The following ARHGEF4 variants were observed in gnomAD, a reference collection of about 807,000 sequenced individuals.
The protein encoded by ARHGEF4 is APC-stimulated guanine nucleotide exchange factor 1.
A neutral mutation model predicts 162.0 loss-of-function variants in ARHGEF4; 119 were observed. The ratio of observed to expected loss-of-function variants is 0.73; its 90% CI spans 0.63 to 0.86. The LOEUF (loss-of-function observed/expected upper bound fraction) is 0.86. ARHGEF4 is among the 40% of genes least tolerant of loss of function. The pLI is 0.00. For missense variants in ARHGEF4, 2,488 were observed against 2,456.0 expected, an observed-to-expected ratio of 1.01 and a Z score of -0.28; for synonymous variants, 1,014 against 979.9, an observed-to-expected ratio of 1.03 and a Z score of -0.65.
At chr2:130,891,671 G>C (rs556789817) in intron 1 of ARHGEF4, among the ~76,000 whole-genome samples, 2 of 152,280 alleles carry the variant, frequency 1.3e-5, no homozygotes, top group Admixed American at 6.5e-5. Context: ...ATCCTCACAT[G>C]ATGTTGCTTC....
intron 1 of ARHGEF4, among the ~76,000 whole-genome samples, chr2:130,905,669 T>C (rs547645066): frequency 6.6e-6 from 1 of 152,266 alleles, no homozygotes; most frequent in South Asian, 2.1e-4. Flanking sequence ...CAGATGAGTA[T>C]AATACAGTTC....
Position 130,916,110 on chromosome 2 carries a change from G to A in ARHGEF4, c.2164G>A (p.Ala722Thr). 1 of 1,550,036 alleles carries A rather than the reference G, an allele frequency of 6.5e-7. No homozygotes were observed. Residue 722 changes from alanine (A) to threonine (T), a missense_variant, in exon 2 of 14, where the codon GCT becomes ACT. Physicochemically the swap from Ala to Thr is moderately conservative, Grantham distance 58. This residue lies in a region of ARHGEF4 where 1,642 missense variants were observed against 1,481.5 expected (regional missense o/e 1.11). Coordinates refer to ENST00000409359, the MANE Select transcript of ARHGEF4 (RefSeq NM_001367493.1). ...ELGRVLVPQA[A>T]SEETPSTEEP... ...TGGGAGAGTGCTGGTCCCCCAAGCT[G>A]CTTCGGAAGAGACGCCGAGCACAGA...
intron 2 of ARHGEF4, among the ~76,000 whole-genome samples, chr2:130,919,691 C>T (rs894380612): frequency 6.6e-6 from 1 of 152,070 alleles, no homozygotes; most frequent in Admixed American, 6.6e-5. Flanking sequence ...GCCTGGCCAA[C>T]ATGGTGAAAC....
chr2:130,904,094 A>G (rs1680673054), intron 1 of ARHGEF4, among the ~76,000 whole-genome samples: 2 of 152,170 alleles, frequency 1.3e-5, no homozygotes, highest in South Asian at 4.1e-4. Context: ...GAAATCTCCA[A>G]ACTGCTCTCC....
At chr2:131,002,139 G>A (rs1273227990) in intron 4 of ARHGEF4, among the ~76,000 whole-genome samples, 1 of 152,164 alleles carries the variant, frequency 6.6e-6, no homozygotes, top group African/African-American at 2.4e-5. Context: ...GAGTACAGTG[G>A]TAAACAAGGT....
chr2:130,922,497 G>C (rs1681935515), intron 2 of ARHGEF4, among the ~76,000 whole-genome samples: 1 of 152,190 alleles, frequency 6.6e-6, no homozygotes, highest in Admixed American at 6.5e-5. Flanking sequence ...AGAAAAAAAG[G>C]AGGAATCAGG....
chr2:131,034,949 G>A (rs1436545952), intron 5 of ARHGEF4: 9 of 982,196 alleles, frequency 9.2e-6, no homozygotes, highest in Non-Finnish European at 9.7e-6. Flanking sequence ...CCTGGGAGGC[G>A]CCGCGCGCAC....
At chr2:130,886,624 T>C (rs1234799811) in intron 1 of ARHGEF4, among the ~76,000 whole-genome samples, 1 of 149,670 alleles carries the variant, frequency 6.7e-6, no homozygotes, top group Non-Finnish European at 1.5e-5. Flanking sequence ...GAGCTTGCAG[T>C]GAGCCGAGAT....
intron 4 of ARHGEF4, among the ~76,000 whole-genome samples, chr2:130,990,841 A>T (rs1289193409): frequency 1.3e-5 from 2 of 151,846 alleles, no homozygotes; most frequent in Non-Finnish European, 2.9e-5. Context: ...ACTATCTTTG[A>T]ATTATTGGTA....
At chr2:131,004,971 G>A (rs1301961263) in intron 4 of ARHGEF4, among the ~76,000 whole-genome samples, 4 of 152,176 alleles carry the variant, frequency 2.6e-5, no homozygotes, top group South Asian at 4.1e-4. Context: ...GGGAAAGCTT[G>A]TGGTTGGTGC....
At position 131,040,243 on chromosome 2, in the gene ARHGEF4, A is replaced by T. The variant is rs1690688553; in HGVS notation, c.4483-18A>T. 6.2e-7 allele frequency: 1 copy of T among 1,611,450 alleles called. No homozygotes were observed. Among genetic ancestry groups the T allele is most frequent in the African/African-American group, 1.3e-5 (1 of 74,904 alleles). On this transcript the variant is annotated intron_variant, in intron 7 of 13. Coordinates refer to ENST00000409359, the MANE Select transcript of ARHGEF4 (RefSeq NM_001367493.1). ...CTGGGGACCCGGTCGGGGGAGGCCTAACCACGTCCGCCCGCAGGGCTACGT... is the reference window on the plus strand; with the variant it reads ...CTGGGGACCCGGTCGGGGGAGGCCTTACCACGTCCGCCCGCAGGGCTACGT...
chr2:131,021,700 A>G (rs1463467158), intron 4 of ARHGEF4, among the ~76,000 whole-genome samples: 1 of 152,216 alleles, frequency 6.6e-6, no homozygotes, highest in Non-Finnish European at 1.5e-5. Context: ...TTACAGTACT[A>G]TGTTGAATAG....
At chr2:130,979,927 C>T (rs921528897) in intron 4 of ARHGEF4, among the ~76,000 whole-genome samples, 5 of 151,944 alleles carry the variant, frequency 3.3e-5, no homozygotes, top group African/African-American at 1.2e-4. Context: ...ACAATAAGAC[C>T]TAATACTTAA....
chr2:130,900,171 AT>A (rs1353510953), intron 1 of ARHGEF4, among the ~76,000 whole-genome samples: 2 of 152,162 alleles, frequency 1.3e-5, no homozygotes, highest in African/African-American at 4.8e-5. Context: ...TTTCATGGAC[AT>A]TAAAAAAAAT....
At chr2:131,002,520 C>A (rs1012509766) in intron 4 of ARHGEF4, among the ~76,000 whole-genome samples, 1 of 151,970 alleles carries the variant, frequency 6.6e-6, no homozygotes, top group Non-Finnish European at 1.5e-5. Flanking sequence ...ACCGTCCTGG[C>A]TAACACAGTG....
rs1173426298 is a variant in ARHGEF4, at chr2:130,917,514, G to T, written c.3552+16G>T. The stretch of plus-strand genomic sequence containing the variant: ...TGGGAGTGAGGTGAGTATCTGAATC[G>T]CACCAAGCCTTTCCTGACCTCTGCA... On this transcript the variant is annotated intron_variant, in intron 2 of 13. Coordinates refer to ENST00000409359, the MANE Select transcript of ARHGEF4 (RefSeq NM_001367493.1). 1.8e-5 allele frequency: 27 copies of T among 1,539,454 alleles called. No homozygotes were observed. The highest frequency in any genetic ancestry group is 2.3e-5 in the Non-Finnish European group (26 of 1,142,226).
intron 4 of ARHGEF4, among the ~76,000 whole-genome samples, chr2:130,986,165 G>A (rs1478869839): frequency 6.6e-6 from 1 of 151,744 alleles, no homozygotes; most frequent in East Asian, 1.9e-4. Context: ...TGTTGCATGT[G>A]TATGTTGTGT....
At chr2:131,029,776 A>T (rs1475644017) in intron 5 of ARHGEF4, among the ~76,000 whole-genome samples, 1 of 151,524 alleles carries the variant, frequency 6.6e-6, no homozygotes, top group African/African-American at 2.4e-5. Context: ...CTAGTCTCAA[A>T]CTCTTGAACT....
intron 11 of ARHGEF4, 42 bp from the exon 12 acceptor site, chr2:131,044,257 G>T: frequency 6.2e-7 from 1 of 1,603,806 alleles, no homozygotes; most frequent in South Asian, 1.1e-5. Flanking sequence ...AAATGGTCAG[G>T]GGAGCGGTTC....
Sources: allele counts gnomAD v4.1 joint callset (sites outside exome capture counted in the v4.1 genomes callset), GRCh38; gene constraint gnomAD v4.1.1; regional missense constraint gnomAD v4.1.1; transcripts MANE v1.5; gene names NCBI Gene and HGNC (gene_info 2026-07-23, HGNC 2026-07-21).